PARP11: variants seen among roughly 807,000 people sequenced by gnomAD.
The protein encoded by PARP11 is protein mono-ADP-ribosyltransferase PARP11.
In PARP11, 31 loss-of-function variants were observed where a neutral mutation model predicts 42.9. The ratio of observed to expected loss-of-function variants is 0.72; its 90% CI spans 0.54 to 0.98. The LOEUF is 0.98. PARP11 is among the 50% of genes least tolerant of loss of function. The pLI is 0.00. For missense variants in PARP11, 365 were observed against 413.1 expected (o/e 0.88, Z 1.01); for synonymous variants, 137 against 127.3 (o/e 1.08, Z -0.51).
intron 1 of PARP11, among the ~76,000 whole-genome samples, chr12:3,833,249 C>T (rs539709762): frequency 1.4e-4 from 21 of 152,074 alleles, no homozygotes; most frequent in East Asian, 7.7e-4. Context: ...TAAAAATGAA[C>T]GAGAACTTCC....
chr12:3,839,432 C>G (rs1423267982), intron 1 of PARP11: 2 of 1,600,186 alleles, frequency 1.2e-6, no homozygotes, highest in East Asian at 2.3e-5. Context: ...AAGGACGGGT[C>G]GTGCCTGTTC....
intron 1 of PARP11, among the ~76,000 whole-genome samples, chr12:3,851,952 T>C (rs1417136513): frequency 6.6e-6 from 1 of 152,218 alleles, no homozygotes; most frequent in Non-Finnish European, 1.5e-5. Flanking sequence ...TCTGCAATAT[T>C]TGCTGTTCTG....
chr12:3,864,667 A>T (rs1208462526), intron 1 of PARP11, among the ~76,000 whole-genome samples: 1 of 152,122 alleles, frequency 6.6e-6, no homozygotes, highest in African/African-American at 2.4e-5. Context: ...TGTCTATTTG[A>T]TCTAAGTTGT....
intron 1 of PARP11, among the ~76,000 whole-genome samples, chr12:3,865,229 A>G (rs1368872288): frequency 2.0e-5 from 3 of 152,118 alleles, no homozygotes; most frequent in African/African-American, 7.2e-5. Context: ...CTTGACTTCA[A>G]TTCTTTCAAA....
At chr12:3,814,931 T>C (rs1026056630) in intron 6 of PARP11, 1 of 414,012 alleles carries the variant, frequency 2.4e-6, no homozygotes, top group African/African-American at 2.1e-5. Flanking sequence ...TAATACTGTG[T>C]ATTATGTAGG....
chr12:3,824,038 A>G (rs1002481194), intron 4 of PARP11, among the ~76,000 whole-genome samples: 2 of 152,150 alleles, frequency 1.3e-5, no homozygotes, highest in African/African-American at 4.8e-5. Flanking sequence ...ATATTTTTTC[A>G]TGATTTTAAC....
rs143636841 is a variant in PARP11 at position 3,851,366 on chromosome 12, C to T, written c.19-21348G>A. 2.4e-3 allele frequency among the ~76,000 whole-genome samples: 364 copies of T among 152,268 alleles called. 2 individuals are homozygous for T. Among genetic ancestry groups the T allele is most frequent in the Non-Finnish European group, 4.7e-3 (318 of 68,022 alleles). ...TTTCCCTTTCCTAGCCAAGGGAAGC[C>T]GTGACAGATTGTACCAGGAAAACTG... On this transcript the variant is annotated intron_variant, in intron 1 of 7. Coordinates refer to ENST00000228820, the MANE Select transcript of PARP11 (RefSeq NM_020367.6).
At chr12:3,847,908 T>G (rs933856539) in intron 1 of PARP11, among the ~76,000 whole-genome samples, 8 of 152,112 alleles carry the variant, frequency 5.3e-5, no homozygotes, top group African/African-American at 1.9e-4. Context: ...ATAATCCTAT[T>G]CTTAAAGAAA....
At chr12:3,849,318 G>A (rs1280467203) in intron 1 of PARP11, among the ~76,000 whole-genome samples, 1 of 151,690 alleles carries the variant, frequency 6.6e-6, no homozygotes. Flanking sequence ...ATACCTAAAA[G>A]AAAAAAAATC....
intron 1 of PARP11, 64 bp downstream of exon 1, chr12:3,873,148 C>G (rs1948525283): frequency 7.3e-7 from 1 of 1,367,434 alleles, no homozygotes; most frequent in Non-Finnish European, 1.0e-6. Context: ...TCCGGTGACC[C>G]CCTCCCGCCC....
At chr12:3,854,671 G>A (rs536161534) in intron 1 of PARP11, among the ~76,000 whole-genome samples, 2 of 151,980 alleles carry the variant, frequency 1.3e-5, no homozygotes, top group African/African-American at 4.8e-5. Flanking sequence ...AAAAGTCCAG[G>A]ACCAGACAGT....
intron 1 of PARP11, among the ~76,000 whole-genome samples, chr12:3,860,339 G>A (rs1436089333): frequency 6.6e-6 from 1 of 152,128 alleles, no homozygotes; most frequent in Non-Finnish European, 1.5e-5. Flanking sequence ...GACAAGGAAG[G>A]ACCCTAAAAG....
rs193214488 is a variant in PARP11 at position 3,823,097 on chromosome 12, C to T, written c.345-940G>A. 2.7e-3 allele frequency among the ~76,000 whole-genome samples: 414 copies of T among 152,286 alleles called. 3 individuals are homozygous for T. The highest frequency in any genetic ancestry group is 3.6e-3 in the Non-Finnish European group (243 of 68,034). On this transcript the variant is annotated intron_variant, in intron 4 of 7. Transcript: ENST00000228820. ...AAAAGGCTGAACATGACACACCAAT[C>T]GCCTCCAGTGATTGGAGGTTACTAA...
chr12:3,811,874 C>T lies in PARP11; in HGVS notation c.*249G>A. ...CAGCTGATTCCATTTTGAATGGTAT[C>T]TTTCACCCCTATGTGTTAAAACATC... is the stretch of plus-strand genomic sequence containing the variant. On this transcript the variant is annotated 3_prime_UTR_variant, in exon 8 of 8. Transcript: ENST00000228820. The T allele has an allele frequency of 2.3e-6, 1 of 441,504 alleles. No homozygotes were observed. Among genetic ancestry groups the T allele is most frequent in the Non-Finnish European group, 4.0e-6 (1 of 252,206 alleles). 27.3% of individuals were successfully genotyped at this position (441,504 alleles called of 1,614,324 possible).
intron 1 of PARP11, among the ~76,000 whole-genome samples, chr12:3,855,952 G>A (rs1270197704): frequency 6.6e-6 from 1 of 152,162 alleles, no homozygotes; most frequent in Non-Finnish European, 1.5e-5. Context: ...GAACGGAACA[G>A]AACAGAGGCC....
chr12:3,858,102 C>T (rs542146027), intron 1 of PARP11, among the ~76,000 whole-genome samples: 26 of 152,164 alleles, frequency 1.7e-4, no homozygotes, highest in African/African-American at 5.1e-4. Context: ...TTGGTGATTT[C>T]GAAGGACTCT....
rs1356084825 is a variant in PARP11 at position 3,842,329 on chromosome 12, A to G, written c.19-12311T>C. ...TCAAACTTATGGGAGCAGGAAGTAC[A>G]AAAGTGATTGGGGCTATTCTGGTAG... On this transcript the variant is annotated intron_variant, in intron 1 of 7. Transcript: ENST00000228820. 5 of 1,610,198 alleles carry G rather than the reference A, an allele frequency of 3.1e-6. No individual in the cohort carries two copies. The East Asian group carries it at 6.7e-5, about 22-fold the overall frequency.
Position 3,842,519 on chromosome 12 carries a change from G to A in PARP11, c.19-12501C>T, listed in dbSNP as rs74056008. The A allele has an allele frequency of 3.9e-4, 604 of 1,561,960 alleles. 4 individuals carry two copies. In the African/African-American group the frequency reaches 6.1e-3, roughly 16 times the overall value. ...GGCCATAGGGGACAGCACGCTTGAC[G>A]GTTGTTGCCGAAGTATTTTCTAACA... is the stretch of plus-strand genomic sequence containing the variant. On this transcript the variant is annotated intron_variant, in intron 1 of 7. Coordinates refer to ENST00000228820, the MANE Select transcript of PARP11 (RefSeq NM_020367.6).
At chr12:3,838,444 C>A (rs1489297609) in intron 1 of PARP11, among the ~76,000 whole-genome samples, 2 of 151,904 alleles carry the variant, frequency 1.3e-5, no homozygotes, top group African/African-American at 2.4e-5. Flanking sequence ...TGGGATACAA[C>A]AAAAGCAGTA....
Sources: gnomAD v4.1 joint callset for allele counts (sites outside exome capture counted in the v4.1 genomes callset) on GRCh38, gnomAD v4.1.1 for gene constraint, MANE v1.5 for transcripts, NCBI Gene and HGNC (gene_info 2026-07-23, HGNC 2026-07-21) for gene names.